The following EXOC4 variants were observed in gnomAD, a reference collection of about 807,000 sequenced individuals.
EXOC4 encodes SEC8-like 1.
A neutral mutation model predicts 107.2 loss-of-function variants in EXOC4; 71 were observed. That is an observed-to-expected ratio of 0.66 (90% CI 0.55 to 0.81). The LOEUF (loss-of-function observed/expected upper bound fraction) is 0.81. EXOC4 is among the 30% of genes least tolerant of loss of function. The probability of loss-of-function intolerance (pLI) is 0.00; values close to 1 mark genes in which losing one functional copy is unlikely to be tolerated. For missense variants in EXOC4, 1,108 were observed against 1,189.6 expected, an observed-to-expected ratio of 0.93 and a Z score of 1.01; for synonymous variants, 456 against 441.2, an observed-to-expected ratio of 1.03 and a Z score of -0.42.
At chr7:133,903,459 C>A (rs1799499995) in intron 12 of EXOC4, among the ~76,000 whole-genome samples, 1 of 152,116 alleles carries the variant, frequency 6.6e-6, no homozygotes, top group African/African-American at 2.4e-5. Context: ...TTTGAAGGAC[C>A]AGCCAGCTGA....
At position 133,365,450 on chromosome 7, in the gene EXOC4, C is replaced by A. The variant is rs375012441; in HGVS notation, c.1007+8877C>A. Among the ~76,000 whole-genome samples the A allele has an allele frequency of 3.3e-5, 5 of 152,226 alleles. No individual in the cohort carries two copies. The South Asian group carries it at 1.0e-3, about 32-fold the overall frequency. On this transcript the variant is annotated intron_variant, in intron 6 of 17. Coordinates refer to ENST00000253861, the MANE Select transcript of EXOC4 (RefSeq NM_021807.4). ...AAATTTGGCATACATCAGGATTAGA[C>A]GTTTGAGGTCATCTCTCCAGAACTC... is the stretch of plus-strand genomic sequence containing the variant.
At chr7:133,787,335 T>TTGTG (rs757017206) in intron 10 of EXOC4, among the ~76,000 whole-genome samples, 80 of 113,810 alleles carry the variant, frequency 7.0e-4, no homozygotes, top group Non-Finnish European at 1.2e-3. Context: ...ATAGGCTAAT[T>TTGTG]TGTGTGTGTG....
intron 9 of EXOC4, among the ~76,000 whole-genome samples, chr7:133,607,257 A>C (rs1801970613): frequency 6.6e-6 from 1 of 152,208 alleles, no homozygotes; most frequent in Non-Finnish European, 1.5e-5. Flanking sequence ...AACTTAACAC[A>C]TGTGTCTGAC....
chr7:133,670,328 G>A (rs1793918119), intron 10 of EXOC4, among the ~76,000 whole-genome samples: 1 of 152,324 alleles, frequency 6.6e-6, no homozygotes, highest in African/African-American at 2.4e-5. Context: ...CTAGCTCACC[G>A]TGTTGTTCAA....
At chr7:134,043,742 T>C (rs1429439590) in intron 17 of EXOC4, among the ~76,000 whole-genome samples, 1 of 152,006 alleles carries the variant, frequency 6.6e-6, no homozygotes, top group East Asian at 1.9e-4. Flanking sequence ...GGTTTGGAGG[T>C]GGCAAGTTTG....
At chr7:133,274,891 C>A in intron 1 of EXOC4, 91 bp from the exon 2 acceptor site, 2 of 1,025,532 alleles carry the variant, frequency 2.0e-6, no homozygotes, top group Non-Finnish European at 2.7e-6. Context: ...TGTGCTTCAC[C>A]TTCCTTTTGC....
intron 11 of EXOC4, among the ~76,000 whole-genome samples, chr7:133,894,224 C>T (rs1799250417): frequency 1.2e-5 from 1 of 86,394 alleles, no homozygotes. Flanking sequence ...ATCGCATTGG[C>T]TCCTGAGGCT....
Position 133,313,689 on chromosome 7 carries a change from C to T in EXOC4, c.657-3595C>T, listed in dbSNP as rs1011453468. On this transcript the variant is annotated intron_variant, in intron 4 of 17. Coordinates refer to ENST00000253861, the MANE Select transcript of EXOC4 (RefSeq NM_021807.4). ...CTAACCCCTCTTAAAAAACTGTTTT[C>T]GTATCATGAAATCTTGAAATCTAAC... Among the ~76,000 whole-genome samples, 3 of 152,272 alleles carry T rather than the reference C, an allele frequency of 2.0e-5. No individual in the cohort carries two copies. In the South Asian group the frequency reaches 6.2e-4, roughly 32 times the overall value.
chr7:133,732,815 T>A (rs1795356794), intron 10 of EXOC4: 1 of 168,344 alleles, frequency 5.9e-6, no homozygotes, highest in Non-Finnish European at 1.3e-5. Context: ...CTGTTGGTGC[T>A]GAGCATAAGA....
At chr7:133,856,308 G>A (rs1363679194) in intron 11 of EXOC4, among the ~76,000 whole-genome samples, 2 of 152,254 alleles carry the variant, frequency 1.3e-5, no homozygotes, top group Admixed American at 1.3e-4. Context: ...TGGTGCCATT[G>A]TAAGTGGGAA....
At chr7:133,985,627 T>C (rs1794096372) in intron 14 of EXOC4, among the ~76,000 whole-genome samples, 1 of 152,234 alleles carries the variant, frequency 6.6e-6, no homozygotes, top group South Asian at 2.1e-4. Context: ...TAACCTTCTC[T>C]TTGTTCTTTG....
intron 12 of EXOC4, among the ~76,000 whole-genome samples, chr7:133,904,358 G>C (rs1268445178): frequency 6.6e-6 from 1 of 152,118 alleles, no homozygotes; most frequent in Non-Finnish European, 1.5e-5. Context: ...TTTTGCCTGC[G>C]CTGTCTGTCC....
intron 10 of EXOC4, among the ~76,000 whole-genome samples, chr7:133,787,163 T>C (rs1260224756): frequency 1.9e-5 from 2 of 107,472 alleles, no homozygotes; most frequent in East Asian, 3.1e-4. Context: ...TTTTCTTTTT[T>C]TTTTCTTTTC....
At chr7:133,557,974 G>A (rs1161066663) in intron 9 of EXOC4, among the ~76,000 whole-genome samples, 1 of 152,140 alleles carries the variant, frequency 6.6e-6, no homozygotes, top group African/African-American at 2.4e-5. Context: ...GGGTAACAGA[G>A]CAAGACTTCT....
At chr7:133,430,140 C>T (rs1044605383) in intron 7 of EXOC4, among the ~76,000 whole-genome samples, 4 of 151,984 alleles carry the variant, frequency 2.6e-5, no homozygotes, top group African/African-American at 4.8e-5. Flanking sequence ...TGGCTGTCAG[C>T]GGGATGGGGA....
chr7:134,095,073 G>A, the EXOC4 span, among the ~76,000 whole-genome samples: 1 of 151,886 alleles, frequency 6.6e-6, no homozygotes, highest in African/African-American at 2.4e-5. Context: ...CCACCGAAAG[G>A]CTCCTGGAAC....
At chr7:133,467,437 C>A (rs895790355) in intron 7 of EXOC4, among the ~76,000 whole-genome samples, 1 of 152,018 alleles carries the variant, frequency 6.6e-6, no homozygotes, top group Non-Finnish European at 1.5e-5. Flanking sequence ...TGCCCCTAAT[C>A]CCATTTCCTT....
chr7:133,505,832 T>C (rs2150892703), intron 9 of EXOC4, among the ~76,000 whole-genome samples: 1 of 152,264 alleles, frequency 6.6e-6, no homozygotes, highest in Non-Finnish European at 1.5e-5. Context: ...GATGACTTTT[T>C]ACATTTCTCT....
chr7:134,088,732 A>G, the EXOC4 span, among the ~76,000 whole-genome samples: 1 of 152,192 alleles, frequency 6.6e-6, no homozygotes, highest in Admixed American at 6.6e-5. Context: ...AAACAAGAAA[A>G]CAATTGTTTT....
Sources: allele counts gnomAD v4.1 joint callset (sites outside exome capture counted in the v4.1 genomes callset), GRCh38; gene constraint gnomAD v4.1.1; transcripts MANE v1.5; gene names NCBI Gene and HGNC (gene_info 2026-07-23, HGNC 2026-07-21).